Variants in PROSER2 observed in about 807,000 individuals in gnomAD.
PROSER2 encodes the protein proline and serine-rich protein 2.
Under a neutral mutation model 14.6 loss-of-function variants are expected in PROSER2, and 18 were observed. That is an observed-to-expected ratio of 1.23 (90% CI 0.85 to 1.83). PROSER2 has a LOEUF of 1.83. Ranked by LOEUF, PROSER2 falls within the 40% of genes most tolerant of loss-of-function variation. The pLI, the probability that PROSER2 is intolerant of heterozygous loss-of-function variation, is 0.00. For synonymous variants in PROSER2, 367 were observed against 286.4 expected, an observed-to-expected ratio of 1.28 and a Z score of -2.84; for missense variants, 823 against 629.8, an observed-to-expected ratio of 1.31 and a Z score of -3.28.
intron 2 of PROSER2, among the ~76,000 whole-genome samples, chr10:11,852,817 AG>A (rs1834051832): frequency 6.7e-6 from 1 of 148,800 alleles, no homozygotes; most frequent in Admixed American, 6.7e-5. Context: ...CCACCGCGCC[AG>A]GCCTCCCAAA....
In PROSER2 at chr10:11,865,561, G is replaced by A. The variant is rs1245550576; in HGVS notation, c.139-970G>A. On this transcript the variant is annotated intron_variant, in intron 2 of 3. Transcript: ENST00000277570. The surrounding 1 kb of genome is among the most constrained non-coding windows in gnomAD (Gnocchi z 4.2). ...GCTGCGCAGTTCTACACTGGGATTCGTTGACTGTAATCTTTACCTGTGGAT... is the reference window on the plus strand; with the variant it reads ...GCTGCGCAGTTCTACACTGGGATTCATTGACTGTAATCTTTACCTGTGGAT... Among the ~76,000 whole-genome samples the A allele has an allele frequency of 6.6e-6, 1 of 152,214 alleles. No individual in the cohort carries two copies. Among genetic ancestry groups the A allele is most frequent in the Non-Finnish European group, 1.5e-5 (1 of 68,032 alleles).
In PROSER2 at chr10:11,833,984, C is replaced by CTTTTTT. The variant is rs35005102; in HGVS notation, c.-82+10537_-82+10542dup. Among the ~76,000 whole-genome samples, 28 of 48,244 alleles carry CTTTTTT rather than the reference C, an allele frequency of 5.8e-4. 1 individual carries two copies. The highest frequency in any genetic ancestry group is 1.1e-3 in the African/African-American group (11 of 10,378). 31.6% of individuals were successfully genotyped at this position (48,244 alleles called of 152,430 possible). A position where few individuals can be genotyped will look rare whatever the true frequency, so the allele number is the denominator to read the frequency against. ...GGGGTTCCCAAGTGAGTAGCTCTTT[C>CTTTTTT]TTTTTTTTTTTTTTTTTTTTTTTTT... is the stretch of plus-strand genomic sequence containing the variant. On this transcript the variant is annotated intron_variant, in intron 1 of 3. Coordinates refer to ENST00000277570, the MANE Select transcript of PROSER2 (RefSeq NM_153256.4).
At chr10:11,852,252 T>C in intron 2 of PROSER2, 37 bp downstream of exon 2, 1 of 1,559,018 alleles carries the variant, frequency 6.4e-7, no homozygotes, top group Non-Finnish European at 8.7e-7. Flanking sequence ...TTCCTGTGCC[T>C]GGGTCAGTGG....
At chr10:11,860,920 A>C (rs1233943330) in intron 2 of PROSER2, among the ~76,000 whole-genome samples, 1 of 152,058 alleles carries the variant, frequency 6.6e-6, no homozygotes, top group African/African-American at 2.4e-5. Context: ...AGGCTGGCCA[A>C]CATGGCGAAA....
In PROSER2 at chr10:11,870,301, G is replaced by A. The variant is rs983412094; in HGVS notation, c.1203G>A (p.Leu401=). 7.4e-6 allele frequency: 11 copies of A among 1,494,048 alleles called. No individual in the cohort carries two copies. In the African/African-American group the frequency reaches 1.5e-4, roughly 20 times the overall value. The allele number at this position is 1,494,048 out of a possible 1,614,324, so 92.5% of individuals were successfully genotyped here. ...AGGACTGGCGCCGCGCAGACTCCCT[G>A]CCCCGGCCCCAGGGCATCACCGTGC... ...GAQDWRRADS[L]PRPQGITVQF... The change falls in exon 4 of 4, where the codon CTG becomes CTA. Residue 401 remains leucine (L), a synonymous_variant. Transcript: ENST00000277570.
chr10:11,826,897 T>C lies in PROSER2; in HGVS notation c.-82+3427T>C, dbSNP rs74676380. Among the ~76,000 whole-genome samples the C allele has an allele frequency of 8.3e-3, 1,116 of 134,630 alleles. 11 individuals carry two copies. Among genetic ancestry groups the C allele is most frequent in the African/African-American group, 0.024 (887 of 36,310 alleles). The allele number at this position is 134,630 out of a possible 152,430, so 88.3% of individuals were successfully genotyped here. Reference sequence around the variant, plus strand: ...ACCCGGCCTTTTTTTTTTTTTTTTTTCCTCTGACATAGGATTTCACTGTGT... The same window carrying C: ...ACCCGGCCTTTTTTTTTTTTTTTTTCCCTCTGACATAGGATTTCACTGTGT... On this transcript the variant is annotated intron_variant, in intron 1 of 3. Coordinates refer to ENST00000277570, the MANE Select transcript of PROSER2 (RefSeq NM_153256.4).
Position 11,870,139 on chromosome 10 carries a change from T to G in PROSER2, c.1041T>G (p.Ser347Arg). The stretch of plus-strand genomic sequence containing the variant: ...CGGCGCTGGCCAACGGCTTCCCAAG[T>G]GCGCACGAGGCCCTGAAGAGCGCAC... Reference protein sequence around the residue: ...RGPALANGFPSAHEALKSAPS... With the variant: ...RGPALANGFPRAHEALKSAPS... The change falls in exon 4 of 4, where the codon AGT becomes AGG. Residue 347 changes from serine to arginine, a missense_variant. Coordinates refer to ENST00000277570, the MANE Select transcript of PROSER2 (RefSeq NM_153256.4). 7.1e-7 allele frequency: 1 copy of G among 1,403,452 alleles called. No individual in the cohort carries two copies. The highest frequency in any genetic ancestry group is 9.2e-7 in the Non-Finnish European group (1 of 1,084,968). The allele number at this position is 1,403,452 out of a possible 1,614,324, so 86.9% of individuals were successfully genotyped here.
In PROSER2 at chr10:11,856,070, T is replaced by TA. The variant is rs1227157957; in HGVS notation, c.138+3857dup. On this transcript the variant is annotated intron_variant, in intron 2 of 3. Coordinates refer to ENST00000277570, the MANE Select transcript of PROSER2 (RefSeq NM_153256.4). The surrounding 1 kb of genome is among the most constrained non-coding windows in gnomAD (Gnocchi z 5.3). ...GAATTATGTCTTTTCATTTGAAACA[T>TA]AAGAGGGCAGCTTTGATGTGTGTGC... Among the ~76,000 whole-genome samples the TA allele has an allele frequency of 6.6e-6, 1 of 152,178 alleles. No homozygotes were observed. Among genetic ancestry groups the TA allele is most frequent in the Non-Finnish European group, 1.5e-5 (1 of 68,022 alleles).
intron 1 of PROSER2, among the ~76,000 whole-genome samples, chr10:11,829,436 T>C (rs1020512091): frequency 3.3e-5 from 5 of 151,690 alleles, no homozygotes; most frequent in Non-Finnish European, 7.4e-5. Context: ...ATTAAAAAAT[T>C]AGCCAGGTGT....
Position 11,865,137 on chromosome 10 carries a change from C to T in PROSER2, c.139-1394C>T, listed in dbSNP as rs113641069. ...CTTCCTCTCATTTTCTCTGATTTCTCTCTCTGGAACTCTCATTATTCACAT... is the reference window on the plus strand; with the variant it reads ...CTTCCTCTCATTTTCTCTGATTTCTTTCTCTGGAACTCTCATTATTCACAT... On this transcript the variant is annotated intron_variant, in intron 2 of 3. Transcript: ENST00000277570. The surrounding 1 kb of genome is among the most constrained non-coding windows in gnomAD (Gnocchi z 4.2). Among the ~76,000 whole-genome samples, 142 of 152,202 alleles carry T rather than the reference C, an allele frequency of 9.3e-4. No individual in the cohort carries two copies. The highest frequency in any genetic ancestry group is 3.2e-3 in the African/African-American group (132 of 41,536).
Position 11,830,725 on chromosome 10 carries a change from T to C in PROSER2, c.-82+7255T>C, listed in dbSNP as rs1833678723. ...AACATGGGAACTGTTAGTTGGAATC[T>C]TCCAGTTTTTTCAACAAACATTTGG... On this transcript the variant is annotated intron_variant, in intron 1 of 3. Coordinates refer to ENST00000277570, the MANE Select transcript of PROSER2 (RefSeq NM_153256.4). The surrounding 1 kb of genome is among the most constrained non-coding windows in gnomAD (Gnocchi z 4.5). Among the ~76,000 whole-genome samples the C allele has an allele frequency of 6.6e-6, 1 of 152,218 alleles. No individual in the cohort carries two copies. The highest frequency in any genetic ancestry group is 1.5e-5 in the Non-Finnish European group (1 of 68,028).
intron 1 of PROSER2, among the ~76,000 whole-genome samples, chr10:11,840,708 T>C (rs1323884888): frequency 1.3e-5 from 2 of 151,726 alleles, no homozygotes; most frequent in Non-Finnish European, 2.9e-5. Flanking sequence ...TGGATCACCC[T>C]GAGGTCAGGG....
intron 1 of PROSER2, among the ~76,000 whole-genome samples, chr10:11,843,039 T>C (rs1207666023): frequency 4.8e-5 from 7 of 146,276 alleles, no homozygotes; most frequent in Non-Finnish European, 9.0e-5. Flanking sequence ...CTCCTGGGTT[T>C]ACACCATTCT....
chr10:11,849,932 T>G (rs954501929), intron 1 of PROSER2: 5 of 152,198 alleles, frequency 3.3e-5, no homozygotes, highest in East Asian at 3.9e-4. Context: ...TCTTGTGCTC[T>G]CTCTCTCTCA....
chr10:11,867,264 C>CAAAAAAAAAAAAA (rs10560433), intron 3 of PROSER2, among the ~76,000 whole-genome samples: 2 of 51,810 alleles, frequency 3.9e-5, no homozygotes, highest in African/African-American at 1.3e-4. Context: ...GACTCCGTCT[C>CAAAAAAAAAAAAA]AAAAAAAAAA....
At chr10:11,859,546 G>T (rs1834194626) in intron 2 of PROSER2, among the ~76,000 whole-genome samples, 1 of 152,186 alleles carries the variant, frequency 6.6e-6, no homozygotes, top group Non-Finnish European at 1.5e-5. Context: ...CCTTGCCCAA[G>T]AAAGCGGCTA....
At chr10:11,843,176 G>A (rs1299368944) in intron 1 of PROSER2, among the ~76,000 whole-genome samples, 3 of 149,326 alleles carry the variant, frequency 2.0e-5, no homozygotes, top group Admixed American at 1.3e-4. Context: ...TCCTGACCTC[G>A]TGATCCGCCC....
At chr10:11,868,981 T>G (rs1181111700) in intron 3 of PROSER2, among the ~76,000 whole-genome samples, 1 of 152,208 alleles carries the variant, frequency 6.6e-6, no homozygotes, top group African/African-American at 2.4e-5. Flanking sequence ...GATGCATAAG[T>G]ACAGCAGTGC....
intron 1 of PROSER2, among the ~76,000 whole-genome samples, chr10:11,843,320 A>G (rs1833876840): frequency 6.6e-6 from 1 of 150,760 alleles, no homozygotes; most frequent in South Asian, 2.1e-4. Flanking sequence ...TGGGAGGCAG[A>G]GGCAGGCGGA....
Sources: allele counts gnomAD v4.1 joint callset (sites outside exome capture counted in the v4.1 genomes callset), GRCh38; gene constraint gnomAD v4.1.1; non-coding constraint Gnocchi (gnomAD v3.1); transcripts MANE v1.5; gene names NCBI Gene and HGNC (gene_info 2026-07-23, HGNC 2026-07-21).